VAT1L: variants seen among roughly 807,000 people sequenced by gnomAD.
VAT1L encodes vesicle amine transport 1 like, also known as putative NADPH-dependent quinone oxidoreductase VAT1L.
Under a neutral mutation model 44.1 loss-of-function variants are expected in VAT1L, and 34 were observed. The ratio of observed to expected loss-of-function variants is 0.77; its 90% confidence interval spans 0.59 to 1.03. The LOEUF is 1.03. VAT1L is among the 50% of genes least tolerant of loss of function. The probability of loss-of-function intolerance (pLI) is 0.00; values close to 1 mark genes in which losing one functional copy is unlikely to be tolerated. For synonymous variants in VAT1L, 253 were observed against 202.2 expected (o/e 1.25, Z -2.13); for missense variants, 615 against 538.8 (o/e 1.14, Z -1.40).
intron 7 of VAT1L, among the ~76,000 whole-genome samples, chr16:77,901,635 C>T (rs73564416): frequency 0.018 from 2,703 of 152,162 alleles, 64 homozygotes; most frequent in African/African-American, 0.061. Flanking sequence ...GTTCTAACTC[C>T]CAGGTTTGCA....
chr16:77,927,681 T>A (rs986318627), intron 7 of VAT1L, among the ~76,000 whole-genome samples: 1 of 151,966 alleles, frequency 6.6e-6, no homozygotes, highest in African/African-American at 2.4e-5. Flanking sequence ...TTCGAGACCA[T>A]CCTGGCTAAC....
chr16:77,930,369 A>C (rs1304893397), intron 7 of VAT1L, among the ~76,000 whole-genome samples: 1 of 151,910 alleles, frequency 6.6e-6, no homozygotes, highest in African/African-American at 2.4e-5. Context: ...GGCCAATTCC[A>C]CCTACCCCAT....
chr16:77,855,544 T>C (rs993871625), intron 3 of VAT1L, among the ~76,000 whole-genome samples: 57 of 152,180 alleles, frequency 3.7e-4, no homozygotes, highest in African/African-American at 1.4e-3. Flanking sequence ...TGCAGTCTTT[T>C]GCTAGTGGTT....
Position 77,862,808 on chromosome 16 carries a change from T to G in VAT1L, c.640T>G (p.Ser214Ala), listed in dbSNP as rs140933136. 34 of 1,613,928 alleles carry G rather than the reference T, an allele frequency of 2.1e-5. No homozygotes were observed. The highest frequency in any genetic ancestry group is 1.9e-5 in the Non-Finnish European group (23 of 1,179,994). ...CAACGTGACTGTCTTTGGAACAGCC[T>G]CTACTTTCAAGCATGAAGCAATCAA... ...VPNVTVFGTA[S>A]TFKHEAIKDS... The change falls in exon 4 of 9, where the codon TCT becomes GCT. Residue 214 changes from serine to alanine, a missense_variant. Physicochemically the swap from Ser to Ala is moderately conservative, Grantham distance 99 (BLOSUM62 1). Coordinates refer to ENST00000302536, the MANE Select transcript of VAT1L (RefSeq NM_020927.3).
chr16:77,939,356 T>G (rs1241797097), intron 7 of VAT1L, among the ~76,000 whole-genome samples: 2 of 152,270 alleles, frequency 1.3e-5, no homozygotes, highest in East Asian at 3.9e-4. Context: ...ATCAGTGGTG[T>G]TATATCATAG....
rs61168492 is a variant in VAT1L, at chr16:77,950,409, A to AACACACACACACACACACACACAC, written c.1078-21417_1078-21394dup. ...GGGCGACAGAGCAAGATTCCATCTA[A>AACACACACACACACACACACACAC]ACACACACACACACACACACACACA... On this transcript the variant is annotated intron_variant, in intron 7 of 8. Coordinates refer to ENST00000302536, the MANE Select transcript of VAT1L (RefSeq NM_020927.3). Among the ~76,000 whole-genome samples, 232 of 131,468 alleles carry AACACACACACACACACACACACAC rather than the reference A, an allele frequency of 1.8e-3. 4 individuals carry two copies. The highest frequency in any genetic ancestry group is 6.2e-3 in the African/African-American group (208 of 33,696). 86.2% of individuals were successfully genotyped at this position (131,468 alleles called of 152,430 possible). A position where few individuals can be genotyped will look rare whatever the true frequency, so the allele number is the denominator to read the frequency against.
At chr16:77,935,573 G>C (rs2142506405) in intron 7 of VAT1L, among the ~76,000 whole-genome samples, 2 of 151,968 alleles carry the variant, frequency 1.3e-5, no homozygotes, top group South Asian at 4.2e-4. Flanking sequence ...GCGGGGAAGG[G>C]AGAAAAGGAG....
intron 7 of VAT1L, among the ~76,000 whole-genome samples, chr16:77,929,176 C>A (rs2017701473): frequency 6.6e-6 from 1 of 152,128 alleles, no homozygotes; most frequent in South Asian, 2.1e-4. Flanking sequence ...TTGAGCTCTG[C>A]ATTCTCTGGA....
intron 3 of VAT1L, among the ~76,000 whole-genome samples, chr16:77,836,802 A>G (rs1405905920): frequency 6.6e-6 from 1 of 152,216 alleles, no homozygotes; most frequent in East Asian, 1.9e-4. Flanking sequence ...GATTGACTCA[A>G]ATGAACTAAC....
intron 3 of VAT1L, among the ~76,000 whole-genome samples, chr16:77,832,534 G>A (rs2044278766): frequency 6.6e-6 from 1 of 152,196 alleles, no homozygotes; most frequent in South Asian, 2.1e-4. Flanking sequence ...TTCTTGACAG[G>A]CATCCAGCTA....
intron 8 of VAT1L, among the ~76,000 whole-genome samples, chr16:77,972,646 T>G (rs1381113305): frequency 1.3e-5 from 2 of 152,012 alleles, no homozygotes; most frequent in Admixed American, 6.6e-5. Context: ...CCGGGTGTGG[T>G]GTCAGGTGCC....
chr16:77,867,590 G>A (rs1387511676), intron 4 of VAT1L, among the ~76,000 whole-genome samples: 2 of 152,090 alleles, frequency 1.3e-5, no homozygotes, highest in East Asian at 1.9e-4. Flanking sequence ...GGCTTTGGTG[G>A]CTCATGCCTG....
intron 1 of VAT1L, among the ~76,000 whole-genome samples, chr16:77,809,650 A>G (rs1050279690): frequency 3.3e-5 from 5 of 152,218 alleles, no homozygotes; most frequent in Non-Finnish European, 7.3e-5. Flanking sequence ...CTCAAGGCTC[A>G]TCCCCTCTTC....
chr16:77,814,845 T>C (rs547460547), intron 1 of VAT1L, among the ~76,000 whole-genome samples: 1 of 152,376 alleles, frequency 6.6e-6, no homozygotes, highest in African/African-American at 2.4e-5. Flanking sequence ...TTAACCCTTT[T>C]TTTACGAGTG....
At chr16:77,931,360 A>C (rs2017729182) in intron 7 of VAT1L, among the ~76,000 whole-genome samples, 1 of 152,194 alleles carries the variant, frequency 6.6e-6, no homozygotes, top group Non-Finnish European at 1.5e-5. Context: ...AACTCAGCCA[A>C]GATCACAAAT....
rs544921845 is a variant in VAT1L at position 77,845,676 on chromosome 16, C to T, written c.580-17072C>T. Among the ~76,000 whole-genome samples, 67 of 152,202 alleles carry T rather than the reference C, an allele frequency of 4.4e-4. No homozygotes were observed. In the South Asian group the frequency reaches 8.3e-3, roughly 19 times the overall value. The stretch of plus-strand genomic sequence containing the variant: ...CGCTTTCTCTCCAGCCCAGCCTGTC[C>T]GCTCATCCTCTCCATGTAATTCTGC... On this transcript the variant is annotated intron_variant, in intron 3 of 8. Coordinates refer to ENST00000302536, the MANE Select transcript of VAT1L (RefSeq NM_020927.3).
chr16:77,930,101 C>T (rs1226720894), intron 7 of VAT1L, among the ~76,000 whole-genome samples: 2 of 152,200 alleles, frequency 1.3e-5, no homozygotes, highest in Non-Finnish European at 2.9e-5. Flanking sequence ...GCCCAAACTT[C>T]GTATCCTTCT....
rs2018363478 is a variant in VAT1L, at chr16:77,978,357, A to C, written c.*662A>C. 6.6e-6 allele frequency: 1 copy of C among 152,358 alleles called. No homozygotes were observed. The highest frequency in any genetic ancestry group is 2.4e-5 in the African/African-American group (1 of 41,468). The allele number at this position is 152,358 out of a possible 1,614,324, so 9.4% of individuals were successfully genotyped here. On this transcript the variant is annotated 3_prime_UTR_variant, in exon 9 of 9. Transcript: ENST00000302536. ...CAGGTATGGATTTTTCACAGTAGAC[A>C]ATGGGTCAACAGCATGAGTTTGAGG...
At chr16:77,795,277 T>TG (rs145455817) in intron 1 of VAT1L, among the ~76,000 whole-genome samples, 35,579 of 70,502 alleles carry the variant, frequency 0.5, 4,995 homozygotes, top group Admixed American at 0.52. Flanking sequence ...GAATTTACAG[T>TG]GGGGGCGGGG....
Sources: allele counts gnomAD v4.1 joint callset (sites outside exome capture counted in the v4.1 genomes callset), GRCh38; gene constraint gnomAD v4.1.1; transcripts MANE v1.5; gene names NCBI Gene and HGNC (gene_info 2026-07-23, HGNC 2026-07-21).